ZNF536: variants seen among roughly 807,000 people sequenced by gnomAD.
The protein encoded by ZNF536 is zinc finger protein 536.
A neutral mutation model predicts 84.5 loss-of-function variants in ZNF536; 13 were observed. The observed-to-expected ratio is 0.15, with a 90% CI of 0.10 to 0.24. The LOEUF is 0.24. ZNF536 is among the 10% of genes least tolerant of loss of function. The probability of loss-of-function intolerance (pLI) is 1.00; values close to 1 mark genes in which losing one functional copy is unlikely to be tolerated. For missense variants in ZNF536, 1,536 were observed against 1,747.5 expected, an observed-to-expected ratio of 0.88 and a Z score of 2.16; for synonymous variants, 811 against 742.5, an observed-to-expected ratio of 1.09 and a Z score of -1.50.
chr19:30,595,306 G>A (rs1568585826), intron 1 of ZNF536, among the ~76,000 whole-genome samples: 1 of 152,042 alleles, frequency 6.6e-6, no homozygotes, highest in Non-Finnish European at 1.5e-5. Context: ...TATTTTTTAA[G>A]AGATAGAGTC....
intron 2 of ZNF536, among the ~76,000 whole-genome samples, chr19:30,449,966 C>G (rs541025072): frequency 6.6e-6 from 1 of 151,886 alleles, no homozygotes; most frequent in Non-Finnish European, 1.5e-5. Flanking sequence ...TCCCTGCCCC[C>G]GTTCACGATA....
At chr19:30,281,706 G>A (rs1362680047) in intron 1 of ZNF536, among the ~76,000 whole-genome samples, 1 of 152,210 alleles carries the variant, frequency 6.6e-6, no homozygotes, top group Non-Finnish European at 1.5e-5. Context: ...TGTACAGCGA[G>A]TGGAATTTCA....
At chr19:30,540,619 C>T (rs1337716057) in intron 3 of ZNF536, among the ~76,000 whole-genome samples, 1 of 152,202 alleles carries the variant, frequency 6.6e-6, no homozygotes, top group African/African-American at 2.4e-5. Context: ...TGAAGTTATC[C>T]CATCCCGGAG....
At chr19:30,349,925 A>G (rs2047878082) in intron 2 of ZNF536, among the ~76,000 whole-genome samples, 1 of 152,142 alleles carries the variant, frequency 6.6e-6, no homozygotes, top group Admixed American at 6.5e-5. Context: ...AGAATATGTG[A>G]TTCAACTGAG....
chr19:30,451,348 C>T (rs1325121500), intron 2 of ZNF536, among the ~76,000 whole-genome samples: 1 of 152,250 alleles, frequency 6.6e-6, no homozygotes, highest in African/African-American at 2.4e-5. Context: ...TGCCTACCAG[C>T]AGTTTCTTTT....
chr19:30,370,765 A>T (rs1220326756), upstream of ZNF536, among the ~76,000 whole-genome samples: 2 of 152,246 alleles, frequency 1.3e-5, no homozygotes, highest in African/African-American at 4.8e-5. Flanking sequence ...ATGATTAATC[A>T]GGTACGGGGG....
rs146002975 is a variant in ZNF536 at position 30,515,311 on chromosome 19, T to G, written c.2171-19536T>G. Among the ~76,000 whole-genome samples, 4 of 152,288 alleles carry G rather than the reference T, an allele frequency of 2.6e-5. No individual in the cohort carries two copies. In the East Asian group the frequency reaches 5.8e-4, roughly 22 times the overall value. ...CAACTTCTGCCCCAAAGGGCTGTTG[T>G]GAGGATGGATTTAGACAATGCTTTG... On this transcript the variant is annotated intron_variant, in intron 2 of 4. Coordinates refer to ENST00000355537, the MANE Select transcript of ZNF536 (RefSeq NM_014717.3).
At chr19:30,508,170 C>T (rs914298350) in intron 2 of ZNF536, among the ~76,000 whole-genome samples, 31 of 152,136 alleles carry the variant, frequency 2.0e-4, no homozygotes, top group African/African-American at 6.5e-4. Context: ...ACCACTAGAG[C>T]CTTTTACCAT....
chr19:30,403,408 G>A (rs564738618), intron 1 of ZNF536, among the ~76,000 whole-genome samples: 19 of 152,290 alleles, frequency 1.2e-4, no homozygotes, highest in East Asian at 7.7e-4. Flanking sequence ...CAAAGGCTGC[G>A]CAAGAATGTG....
chr19:30,539,267 G>A lies in ZNF536; in HGVS notation c.2323+4268G>A, dbSNP rs374690830. 3.9e-4 allele frequency among the ~76,000 whole-genome samples: 60 copies of A among 152,228 alleles called. No homozygotes were observed. The South Asian group carries it at 4.4e-3, about 11-fold the overall frequency. ...ATGGTGTAAATTCCAGTTCAAGTCTGAGCCAGAATGCAGATCAATGTCCCA... is the reference window on the plus strand; with the variant it reads ...ATGGTGTAAATTCCAGTTCAAGTCTAAGCCAGAATGCAGATCAATGTCCCA... On this transcript the variant is annotated intron_variant, in intron 3 of 4. Coordinates refer to ENST00000355537, the MANE Select transcript of ZNF536 (RefSeq NM_014717.3).
At chr19:30,272,154 C>T (rs752462102) in intron 1 of ZNF536, among the ~76,000 whole-genome samples, 6 of 152,200 alleles carry the variant, frequency 3.9e-5, no homozygotes, top group Non-Finnish European at 8.8e-5. Flanking sequence ...GAGGGGTTCA[C>T]TGGGTTTCCT....
At chr19:30,225,823 C>T (rs925945977), upstream of ZNF536, among the ~76,000 whole-genome samples, 116 of 151,190 alleles carry the variant, frequency 7.7e-4, no homozygotes, top group African/African-American at 2.7e-3. Context: ...CCGTCCCCTC[C>T]CCCTCCCCAT....
intron 2 of ZNF536, among the ~76,000 whole-genome samples, chr19:30,469,012 T>C (rs1184770081): frequency 6.6e-6 from 1 of 152,044 alleles, no homozygotes; most frequent in Non-Finnish European, 1.5e-5. Context: ...AAGACCCAGA[T>C]ACCCATGACC....
intron 2 of ZNF536, among the ~76,000 whole-genome samples, chr19:30,310,672 T>C (rs1318490076): frequency 1.3e-5 from 2 of 152,210 alleles, no homozygotes; most frequent in African/African-American, 4.8e-5. Context: ...TTTACTGCTC[T>C]GGTAGAATCT....
At chr19:30,355,598 C>G (rs1433051406) in intron 3 of ZNF536, among the ~76,000 whole-genome samples, 1 of 151,954 alleles carries the variant, frequency 6.6e-6, no homozygotes, top group East Asian at 1.9e-4. Flanking sequence ...CCATTTTTCC[C>G]AGGCTGGTCT....
chr19:30,624,428 G>C (rs549291655), intron 1 of ZNF536, among the ~76,000 whole-genome samples: 5 of 152,316 alleles, frequency 3.3e-5, no homozygotes, highest in Non-Finnish European at 7.3e-5. Context: ...TGATCTAACA[G>C]TGTTGGGAAA....
chr19:30,295,344 G>A (rs2045964590), intron 2 of ZNF536, among the ~76,000 whole-genome samples: 2 of 152,070 alleles, frequency 1.3e-5, no homozygotes, highest in African/African-American at 4.8e-5. Flanking sequence ...GCGGGGGTGG[G>A]GAGGTTGTCT....
In ZNF536 at chr19:30,345,898, G is replaced by A. The variant is rs142615035; in HGVS notation, c.-119-6470G>A. 6.4e-3 allele frequency among the ~76,000 whole-genome samples: 980 copies of A among 152,332 alleles called. 2 individuals carry two copies. Among genetic ancestry groups the A allele is most frequent in the Middle Eastern group, 0.034 (10 of 294 alleles). ...AAGGAAGGAGGAGGTGGCAAATTGG[G>A]ACCGGGAGGCATCAGTCGGGAGGGC... On this transcript the variant is annotated intron_variant, in intron 2 of 5. Transcript: ENST00000585628.
intron 1 of ZNF536, among the ~76,000 whole-genome samples, chr19:30,575,067 G>A (rs143449197): frequency 2.3e-3 from 347 of 152,296 alleles, no homozygotes; most frequent in Non-Finnish European, 3.5e-3. Flanking sequence ...TGTCTGTGCA[G>A]GGGATTACTG....
Sources: gnomAD v4.1 joint callset for allele counts (sites outside exome capture counted in the v4.1 genomes callset) on GRCh38, gnomAD v4.1.1 for gene constraint, MANE v1.5 for transcripts, NCBI Gene and HGNC (gene_info 2026-07-23, HGNC 2026-07-21) for gene names.